The following AGBL1 variants were observed in gnomAD, a reference collection of about 807,000 sequenced individuals.
AGBL1 encodes the protein cytosolic carboxypeptidase 4.
In AGBL1, 130 loss-of-function variants were observed where a neutral mutation model predicts 118.9. That is an observed-to-expected ratio of 1.09 (90% CI 0.95 to 1.26). The LOEUF (loss-of-function observed/expected upper bound fraction) is 1.26, where lower values mean the gene tolerates loss of function less well. Ranked by LOEUF, AGBL1 falls within the 50% of genes most tolerant of loss-of-function variation. The pLI, the probability that AGBL1 is intolerant of heterozygous loss-of-function variation, is 0.00. For synonymous variants in AGBL1, 555 were observed against 478.9 expected, an observed-to-expected ratio of 1.16 and a Z score of -2.08; for missense variants, 1,584 against 1,298.1, an observed-to-expected ratio of 1.22 and a Z score of -3.38.
chr15:86,783,226 G>A (rs564842796), intron 22 of AGBL1, among the ~76,000 whole-genome samples: 1 of 152,210 alleles, frequency 6.6e-6, no homozygotes, highest in Non-Finnish European at 1.5e-5. Flanking sequence ...TTAGATGCAT[G>A]TTTATTCTTC....
chr15:86,141,935 G>A (rs1294041384), intron 1 of AGBL1, 69 bp from the exon 2 acceptor site: 3 of 1,444,142 alleles, frequency 2.1e-6, no homozygotes, highest in Non-Finnish European at 1.9e-6. Context: ...GCCATTCCAT[G>A]TACATCCCTG....
chr15:86,139,919 T>A (rs1335881833), intron 1 of AGBL1: 2 of 157,424 alleles, frequency 1.3e-5, no homozygotes, highest in Non-Finnish European at 2.8e-5. Context: ...GGGAACTTGT[T>A]CTTGGAGTCG....
chr15:86,090,060 G>A (rs189219740), intron 1 of AGBL1, among the ~76,000 whole-genome samples: 8 of 152,210 alleles, frequency 5.3e-5, no homozygotes, highest in African/African-American at 7.2e-5. Context: ...TATTTTTCCC[G>A]TCTTCTCTTA....
chr15:86,358,017 T>G (rs1027711947), intron 17 of AGBL1, among the ~76,000 whole-genome samples: 1 of 152,130 alleles, frequency 6.6e-6, no homozygotes, highest in Non-Finnish European at 1.5e-5. Flanking sequence ...CACATACTTA[T>G]AATTTTTTTG....
intron 16 of AGBL1, among the ~76,000 whole-genome samples, chr15:86,286,526 G>A (rs2141741790): frequency 6.6e-6 from 1 of 151,832 alleles, no homozygotes; most frequent in South Asian, 2.1e-4. Context: ...CTATGAGTTT[G>A]ACTTTTTTAT....
intron 22 of AGBL1, among the ~76,000 whole-genome samples, chr15:86,744,510 C>A (rs115093873): frequency 1.3e-5 from 2 of 152,154 alleles, no homozygotes; most frequent in South Asian, 2.1e-4. Context: ...AATCAAGGGA[C>A]CTTTCAGGGA....
At chr15:86,979,993 T>C (rs764002091) in intron 23 of AGBL1, among the ~76,000 whole-genome samples, 1 of 152,178 alleles carries the variant, frequency 6.6e-6, no homozygotes, top group African/African-American at 2.4e-5. Flanking sequence ...TCTTTTCCCT[T>C]CCTCTCCCCT....
At chr15:86,594,681 T>C (rs1398442604) in intron 21 of AGBL1, among the ~76,000 whole-genome samples, 1 of 152,242 alleles carries the variant, frequency 6.6e-6, no homozygotes, top group Non-Finnish European at 1.5e-5. Context: ...TACATGATAT[T>C]CCTTCACTAC....
intron 22 of AGBL1, among the ~76,000 whole-genome samples, chr15:86,785,380 TTTTTG>T (rs2078395559): frequency 8.3e-6 from 1 of 120,770 alleles, no homozygotes; most frequent in African/African-American, 3.3e-5. Context: ...TTTTTTTTTG[TTTTTG>T]TTTTTTTGAG....
chr15:86,868,879 G>T (rs2141497640), intron 22 of AGBL1, among the ~76,000 whole-genome samples: 1 of 152,296 alleles, frequency 6.6e-6, no homozygotes, highest in African/African-American at 2.4e-5. Context: ...AAATAGAATA[G>T]AAACAACGGG....
chr15:86,540,703 GA>G (rs553021292), intron 19 of AGBL1, among the ~76,000 whole-genome samples: 14 of 152,192 alleles, frequency 9.2e-5, no homozygotes, highest in Non-Finnish European at 1.9e-4. Context: ...TGGTAGAAAA[GA>G]AAAAGCTTCC....
At chr15:86,734,388 G>C (rs181825938) in intron 22 of AGBL1, among the ~76,000 whole-genome samples, 1 of 151,876 alleles carries the variant, frequency 6.6e-6, no homozygotes, top group East Asian at 1.9e-4. Context: ...TCATGAACTT[G>C]ATAGCAGGGA....
chr15:86,833,545 C>T (rs1351043551), intron 22 of AGBL1, among the ~76,000 whole-genome samples: 1 of 152,132 alleles, frequency 6.6e-6, no homozygotes, highest in African/African-American at 2.4e-5. Flanking sequence ...GAGGCCTTCC[C>T]AGCCATATGG....
At chr15:86,640,190 C>G (rs1835093230) in intron 21 of AGBL1, among the ~76,000 whole-genome samples, 1 of 152,060 alleles carries the variant, frequency 6.6e-6, no homozygotes. Context: ...CCTAGACCAC[C>G]AGGATTTAAG....
intron 1 of AGBL1, among the ~76,000 whole-genome samples, chr15:86,099,595 A>G (rs946494214): frequency 5.4e-5 from 8 of 147,380 alleles, no homozygotes; most frequent in Admixed American, 2.7e-4. Flanking sequence ...GCTGGAGTGC[A>G]GTGGTGCGAT....
chr15:86,472,439 T>C (rs1354603304), intron 18 of AGBL1, among the ~76,000 whole-genome samples: 1 of 152,180 alleles, frequency 6.6e-6, no homozygotes, highest in Non-Finnish European at 1.5e-5. Context: ...AATTACATCT[T>C]TGTGTGCTCT....
intron 22 of AGBL1, among the ~76,000 whole-genome samples, chr15:86,739,527 G>A (rs2077648465): frequency 6.7e-6 from 1 of 149,508 alleles, no homozygotes. Context: ...TTTTTCGGGG[G>A]GAGCAAGAAA....
intron 21 of AGBL1, among the ~76,000 whole-genome samples, chr15:86,671,464 G>C (rs2142542368): frequency 6.6e-6 from 1 of 152,218 alleles, no homozygotes; most frequent in Non-Finnish European, 1.5e-5. Flanking sequence ...ATCTGAGCTG[G>C]GTGAGAAGGG....
intron 21 of AGBL1, among the ~76,000 whole-genome samples, chr15:86,637,227 A>C (rs1173223604): frequency 1.3e-5 from 2 of 152,180 alleles, no homozygotes; most frequent in Non-Finnish European, 2.9e-5. Context: ...TTAAGAAAAA[A>C]TAGATGTAAG....
Sources: allele counts gnomAD v4.1 joint callset (sites outside exome capture counted in the v4.1 genomes callset), GRCh38; gene constraint gnomAD v4.1.1; transcripts MANE v1.5; gene names NCBI Gene and HGNC (gene_info 2026-07-23, HGNC 2026-07-21).